SMPD4: variants seen among roughly 807,000 people sequenced by gnomAD.
SMPD4 encodes sphingomyelin phosphodiesterase 4.
In SMPD4, 58 loss-of-function variants were observed where a neutral mutation model predicts 97.8. The ratio of observed to expected loss-of-function variants is 0.59; its 90% CI spans 0.48 to 0.74. The LOEUF (loss-of-function observed/expected upper bound fraction) is 0.74, where lower values mean the gene tolerates loss of function less well. SMPD4 is among the 30% of genes least tolerant of loss of function. The pLI is 0.00. For synonymous variants in SMPD4, 388 were observed against 450.0 expected (o/e 0.86, Z 1.74); for missense variants, 853 against 1,080.5 (o/e 0.79, Z 2.95).
intron 1 of SMPD4, among the ~76,000 whole-genome samples, chr2:130,177,492 G>A (rs975923775): frequency 6.6e-6 from 1 of 152,094 alleles, no homozygotes; most frequent in Non-Finnish European, 1.5e-5. Flanking sequence ...GAGGTCAGGA[G>A]TTCAAGACCA....
chr2:130,180,992 T>A (rs1383007749), intron 1 of SMPD4, among the ~76,000 whole-genome samples: 2 of 152,122 alleles, frequency 1.3e-5, no homozygotes, highest in Non-Finnish European at 2.9e-5. Flanking sequence ...TGTTTTTTGT[T>A]TTGTTTTGTT....
chr2:130,163,468 C>T (rs1687622997), intron 10 of SMPD4, among the ~76,000 whole-genome samples: 1 of 152,186 alleles, frequency 6.6e-6, no homozygotes. Flanking sequence ...TTTGCCAGAA[C>T]CAGAGGAAAA....
At chr2:130,176,782 G>A in intron 1 of SMPD4, 145 bp from the exon 2 acceptor site, 1 of 628,106 alleles carries the variant, frequency 1.6e-6, no homozygotes, top group South Asian at 2.0e-5. Flanking sequence ...CAAACTCCTG[G>A]GTTCAAGCAA....
chr2:130,155,737 G>A (rs1461366575), intron 14 of SMPD4, among the ~76,000 whole-genome samples: 3 of 152,084 alleles, frequency 2.0e-5, no homozygotes, highest in African/African-American at 7.2e-5. Flanking sequence ...GCTGATGAAG[G>A]TCAAGGGATA....
At position 130,161,225 on chromosome 2, in the gene SMPD4, G is replaced by A; in HGVS notation, c.912C>T (p.Ser304=). The change falls in exon 11 of 20, where the codon AGC becomes AGT. Residue 304 remains serine (S), a synonymous_variant. Coordinates refer to ENST00000680298, the MANE Select transcript of SMPD4 (RefSeq NM_017951.5). The part of the protein sequence containing the change: ...YRLSVSSALY[S]PAQPSLQALH... ...GGGCCTGGAGGCTGGGTTGGGCGGG[G>A]CTGTAGAGGGCGCTGGAGACACTGA... 6.2e-7 allele frequency: 1 copy of A among 1,613,948 alleles called. No individual in the cohort carries two copies. Among genetic ancestry groups the A allele is most frequent in the Non-Finnish European group, 8.5e-7 (1 of 1,179,988 alleles).
chr2:130,155,665 C>T (rs1686705818), intron 14 of SMPD4, among the ~76,000 whole-genome samples: 1 of 151,922 alleles, frequency 6.6e-6, no homozygotes, highest in African/African-American at 2.4e-5. Context: ...GAGGATCAAG[C>T]AGGGGATGAG....
At chr2:130,181,416 G>T (rs573827965) in intron 1 of SMPD4, 114 bp downstream of exon 1, 8 of 1,495,612 alleles carry the variant, frequency 5.3e-6, no homozygotes, top group Non-Finnish European at 7.1e-6. Context: ...GGGCAGAGCC[G>T]GCTGGCCGGC....
chr2:130,169,564 CTT>C (rs749873351), intron 8 of SMPD4, among the ~76,000 whole-genome samples: 4 of 143,454 alleles, frequency 2.8e-5, no homozygotes, highest in Non-Finnish European at 3.1e-5. Flanking sequence ...ATGAAAGTTT[CTT>C]TTTTTTTTTT....
chr2:130,174,767 C>T (rs1688810283), intron 3 of SMPD4, 147 bp downstream of exon 3: 4 of 555,938 alleles, frequency 7.2e-6, no homozygotes, highest in Admixed American at 5.5e-5. Context: ...TAAATGTGTC[C>T]GTAAACATAA....
At chr2:130,166,960 G>A (rs28404396) in intron 9 of SMPD4, among the ~76,000 whole-genome samples, 24,740 of 143,704 alleles carry the variant, frequency 0.17, no homozygotes, top group East Asian at 0.44. Flanking sequence ...GATGAAAAAC[G>A]CCATCAATGA....
At position 130,172,548 on chromosome 2, in the gene SMPD4, C is replaced by T. The variant is rs190290155; in HGVS notation, c.508-48G>A. Reference sequence around the variant, plus strand: ...AGCATGGGCTCTGGACACTGCCAGGCCACCAAGCACCAACAAGTGCAGGGA... The same window carrying T: ...AGCATGGGCTCTGGACACTGCCAGGTCACCAAGCACCAACAAGTGCAGGGA... On this transcript the variant is annotated intron_variant, in intron 7 of 19. Coordinates refer to ENST00000680298, the MANE Select transcript of SMPD4 (RefSeq NM_017951.5). 3,071 of 1,612,844 alleles carry T rather than the reference C, an allele frequency of 1.9e-3. 7 individuals are homozygous for T. Among genetic ancestry groups the T allele is most frequent in the Admixed American group, 2.6e-3 (154 of 59,968 alleles).
In SMPD4 at chr2:130,161,111, G is replaced by A. The variant is rs894207051; in HGVS notation, c.951+75C>T. On this transcript the variant is annotated intron_variant, in intron 11 of 19. Transcript: ENST00000680298. ...CTAGCCTCTGAGTCACCAGCGGCCG[G>A]CCCCGGCGGCCCCTTGCTTTGCCAG... The A allele has an allele frequency of 4.2e-6, 6 of 1,429,586 alleles. No individual in the cohort carries two copies. In the African/African-American group the frequency reaches 7.1e-5, roughly 17 times the overall value. The allele number at this position is 1,429,586 out of a possible 1,614,324, so 88.6% of individuals were successfully genotyped here. A position where few individuals can be genotyped will look rare whatever the true frequency, so the allele number is the denominator to read the frequency against.
At chr2:130,160,285 T>C (rs1213191087) in intron 11 of SMPD4, among the ~76,000 whole-genome samples, 5 of 152,220 alleles carry the variant, frequency 3.3e-5, no homozygotes, top group African/African-American at 1.2e-4. Flanking sequence ...CCCTGTGTGC[T>C]GTGGCCACCA....
chr2:130,161,909 A>T (rs1573688303), intron 10 of SMPD4, among the ~76,000 whole-genome samples: 1 of 152,182 alleles, frequency 6.6e-6, no homozygotes, highest in South Asian at 2.1e-4. Flanking sequence ...ATTGATTCCT[A>T]TGTGTCTAAA....
intron 8 of SMPD4, 112 bp from the exon 9 acceptor site, chr2:130,167,702 A>G: frequency 8.2e-7 from 1 of 1,219,600 alleles, no homozygotes; most frequent in Non-Finnish European, 1.1e-6. Context: ...ACAGATTACA[A>G]CTTGTTCAAT....
intron 8 of SMPD4, among the ~76,000 whole-genome samples, chr2:130,169,914 AAGTT>A (rs1484596855): frequency 6.6e-6 from 1 of 152,142 alleles, no homozygotes; most frequent in Non-Finnish European, 1.5e-5. Flanking sequence ...TCAAAATAAA[AAGTT>A]AGGTGTGGTG....
chr2:130,158,091 G>C, intron 11 of SMPD4: 2 of 814,780 alleles, frequency 2.5e-6, no homozygotes, highest in Non-Finnish European at 3.3e-6. Flanking sequence ...AGTGAGCTAG[G>C]ATCGTGCCAC....
intron 9 of SMPD4, among the ~76,000 whole-genome samples, chr2:130,166,680 A>T (rs1297845346): frequency 6.6e-6 from 1 of 152,076 alleles, no homozygotes; most frequent in African/African-American, 2.4e-5. Context: ...CACCTGCTGA[A>T]TCTCTCTGTG....
chr2:130,171,614 T>A (rs1688473796), intron 8 of SMPD4, among the ~76,000 whole-genome samples: 2 of 152,130 alleles, frequency 1.3e-5, no homozygotes, highest in South Asian at 4.1e-4. Context: ...TGCCACTCCC[T>A]TTCTCCCCTC....
Sources: allele counts gnomAD v4.1 joint callset (sites outside exome capture counted in the v4.1 genomes callset), GRCh38; gene constraint gnomAD v4.1.1; transcripts MANE v1.5; gene names NCBI Gene and HGNC (gene_info 2026-07-23, HGNC 2026-07-21).